Variants in RBMS1 observed in about 807,000 individuals in gnomAD.
RBMS1 encodes the protein RNA-binding motif, single-stranded-interacting protein 1.
RBMS1 carries 17 observed loss-of-function variants against 62.3 expected under a neutral mutation model. That is an observed-to-expected ratio of 0.27 (90% CI 0.19 to 0.41). The LOEUF (loss-of-function observed/expected upper bound fraction) is 0.41, where lower values mean the gene tolerates loss of function less well. RBMS1 is among the 10% of genes least tolerant of loss of function. The pLI, the probability that RBMS1 is intolerant of heterozygous loss-of-function variation, is 1.00. For missense variants in RBMS1, 334 were observed against 504.5 expected (o/e 0.66, Z 3.24); for synonymous variants, 172 against 170.0 (o/e 1.01, Z -0.09).
At chr2:160,278,004 T>G (rs2105928716) in intron 11 of RBMS1, 1 of 164,658 alleles carries the variant, frequency 6.1e-6, no homozygotes, top group African/African-American at 2.4e-5. Context: ...TTTAAGCCAC[T>G]ATAGAATAGA....
At chr2:160,449,406 GAA>G (rs1683860770) in intron 1 of RBMS1, among the ~76,000 whole-genome samples, 1 of 152,264 alleles carries the variant, frequency 6.6e-6, no homozygotes, top group Non-Finnish European at 1.5e-5. Context: ...GTGGGGAAAA[GAA>G]AGAGAGATCA....
intron 6 of RBMS1, among the ~76,000 whole-genome samples, chr2:160,290,992 A>G (rs559331947): frequency 1.3e-5 from 2 of 152,280 alleles, no homozygotes; most frequent in Admixed American, 1.3e-4. Flanking sequence ...TTAACTCTAC[A>G]GTGATTTGTG....
intron 1 of RBMS1, 55 bp downstream of exon 1, chr2:160,493,234 C>A: frequency 6.5e-6 from 10 of 1,545,388 alleles, no homozygotes; most frequent in Non-Finnish European, 8.9e-6. Flanking sequence ...CCTGACCCTG[C>A]GCGCGTCCCC....
At position 160,340,665 on chromosome 2, in the gene RBMS1, C is replaced by T. The variant is rs1230776151; in HGVS notation, c.252-22438G>A. Among the ~76,000 whole-genome samples the T allele has an allele frequency of 2.0e-5, 3 of 151,980 alleles. No homozygotes were observed. In the South Asian group the frequency reaches 6.2e-4, roughly 32 times the overall value. On this transcript the variant is annotated intron_variant, in intron 2 of 13. Transcript: ENST00000348849. ...ATAAAAGATGGGCAAACTGTTACCA[C>T]CATCCAGAAAAAAAAACCTAGCAAA...
chr2:160,340,427 G>T lies in RBMS1; in HGVS notation c.252-22200C>A, dbSNP rs541897658. ...AGGTAGAGGCCCAACACTAGCTTTCGGTTCTCCAAGGTGTAATCTAGTAAC... is the reference window on the plus strand; with the variant it reads ...AGGTAGAGGCCCAACACTAGCTTTCTGTTCTCCAAGGTGTAATCTAGTAAC... On this transcript the variant is annotated intron_variant, in intron 2 of 13. Coordinates refer to ENST00000348849, the MANE Select transcript of RBMS1 (RefSeq NM_016836.4). Among the ~76,000 whole-genome samples the T allele has an allele frequency of 7.2e-5, 11 of 152,120 alleles. No homozygotes were observed. In the East Asian group the frequency reaches 1.2e-3, roughly 16 times the overall value.
intron 1 of RBMS1, among the ~76,000 whole-genome samples, chr2:160,410,221 CAAAAAAAAAAA>C (rs575199475): frequency 5.9e-5 from 4 of 68,020 alleles, no homozygotes; most frequent in African/African-American, 1.8e-4. Context: ...GACCCCGTCT[CAAAAAAAAAAA>C]AAAAAAAAAA....
chr2:160,320,306 C>T (rs1273056515), intron 2 of RBMS1, among the ~76,000 whole-genome samples: 3 of 152,128 alleles, frequency 2.0e-5, no homozygotes, highest in South Asian at 4.2e-4. Flanking sequence ...CGTCTCTACC[C>T]TCCCAAAGCA....
intron 3 of RBMS1, among the ~76,000 whole-genome samples, chr2:160,317,455 T>C (rs998798463): frequency 1.3e-5 from 2 of 152,194 alleles, no homozygotes; most frequent in South Asian, 4.1e-4. Context: ...ATTGTTAAGA[T>C]GCTGGATCAT....
chr2:160,337,135 C>T (rs1048571619), intron 2 of RBMS1, among the ~76,000 whole-genome samples: 29 of 136,362 alleles, frequency 2.1e-4, no homozygotes, highest in Non-Finnish European at 2.7e-4. Context: ...TTTTTCTTTT[C>T]TTTTTTTTTT....
chr2:160,298,062 G>A (rs1232757708), intron 6 of RBMS1, among the ~76,000 whole-genome samples: 2 of 152,230 alleles, frequency 1.3e-5, no homozygotes, highest in Non-Finnish European at 1.5e-5. Flanking sequence ...ATGCAATGGT[G>A]CAGATGAGAG....
In RBMS1 at chr2:160,274,657, G is replaced by T. The variant is rs1225005369; in HGVS notation, c.*115C>A. 6.6e-6 allele frequency: 1 copy of T among 151,680 alleles called. No homozygotes were observed. The highest frequency in any genetic ancestry group is 2.4e-5 in the African/African-American group (1 of 41,118). The allele number at this position is 151,680 out of a possible 1,614,324, so 9.4% of individuals were successfully genotyped here. ...ATTTCATTATAAATAACGTTTTCAA[G>T]AACCTGTGCAAAACTGTCAATAATT... is the stretch of plus-strand genomic sequence containing the variant. On this transcript the variant is annotated 3_prime_UTR_variant, in exon 14 of 14. Coordinates refer to ENST00000348849, the MANE Select transcript of RBMS1 (RefSeq NM_016836.4).
chr2:160,354,767 A>G (rs944432453), intron 2 of RBMS1, among the ~76,000 whole-genome samples: 1 of 152,150 alleles, frequency 6.6e-6, no homozygotes, highest in African/African-American at 2.4e-5. Context: ...TGGCACAAAG[A>G]AAAAATGAGG....
In RBMS1 at chr2:160,367,216, G is replaced by A. The variant is rs751679060; in HGVS notation, c.251C>T (p.Pro84Leu). 3 of 1,612,258 alleles carry A rather than the reference G, an allele frequency of 1.9e-6. No individual in the cohort carries two copies. The highest frequency in any genetic ancestry group is 1.7e-5 in the Admixed American group (1 of 60,012). The change falls in exon 2 of 14, where the codon CCA (proline) becomes CTA (leucine). Residue 84 changes from proline (P) to leucine (L), a missense_variant and splice_region_variant. Coordinates refer to ENST00000348849, the MANE Select transcript of RBMS1 (RefSeq NM_016836.4). ...AATAATAGGAACAACTACTACTTAC[G>A]GTTGACAGAGCTTCACCAGGTCCTG... ...TDQDLVKLCQPYGKIVSTKAI... is the reference protein window; with the variant it reads ...TDQDLVKLCQLYGKIVSTKAI...
At chr2:160,404,635 C>T (rs1559510939) in intron 1 of RBMS1, among the ~76,000 whole-genome samples, 1 of 152,146 alleles carries the variant, frequency 6.6e-6, no homozygotes, top group Non-Finnish European at 1.5e-5. Flanking sequence ...ATCCTGGAAC[C>T]AATCTTCCTC....
At chr2:160,407,812 G>C in intron 1 of RBMS1, 1 of 981,290 alleles carries the variant, frequency 1.0e-6, no homozygotes, top group Non-Finnish European at 1.2e-6. Context: ...GGGAGTTCGC[G>C]CGCGGAGCTG....
At position 160,318,230 on chromosome 2, in the gene RBMS1, A is replaced by G. The variant is rs750476981; in HGVS notation, c.252-3T>C. Reference sequence around the variant, plus strand: ...TTGTGGAGACTATTTTCCCATATCTAAAAAAAAAAAAAAAAAAAAAAAGGA... The same window carrying G: ...TTGTGGAGACTATTTTCCCATATCTGAAAAAAAAAAAAAAAAAAAAAAGGA... On this transcript the variant is annotated splice_polypyrimidine_tract_variant and splice_region_variant and intron_variant, in intron 2 of 13. Transcript: ENST00000348849. 4.1e-5 allele frequency: 3 copies of G among 73,698 alleles called. No homozygotes were observed. Among genetic ancestry groups the G allele is most frequent in the Non-Finnish European group, 2.7e-5 (1 of 36,672 alleles). The allele number at this position is 73,698 out of a possible 1,614,324, so 4.6% of individuals were successfully genotyped here. A position where few individuals can be genotyped will look rare whatever the true frequency, so the allele number is the denominator to read the frequency against.
chr2:160,482,223 T>C (rs1685400017), intron 1 of RBMS1, among the ~76,000 whole-genome samples: 1 of 151,758 alleles, frequency 6.6e-6, no homozygotes, highest in Non-Finnish European at 1.5e-5. Context: ...ATACATACAA[T>C]ATGGTTTCAT....
chr2:160,442,246 T>C (rs902705963), intron 1 of RBMS1, among the ~76,000 whole-genome samples: 2 of 152,242 alleles, frequency 1.3e-5, no homozygotes, highest in Non-Finnish European at 2.9e-5. Context: ...CAATGACACT[T>C]CCATGTCTTC....
At chr2:160,464,656 G>A (rs1413046788) in intron 1 of RBMS1, among the ~76,000 whole-genome samples, 2 of 151,560 alleles carry the variant, frequency 1.3e-5, no homozygotes, top group Non-Finnish European at 3.0e-5. Flanking sequence ...TGAATATTAA[G>A]TTACTTTTTA....
Sources: allele counts gnomAD v4.1 joint callset (sites outside exome capture counted in the v4.1 genomes callset), GRCh38; gene constraint gnomAD v4.1.1; transcripts MANE v1.5; gene names NCBI Gene and HGNC (gene_info 2026-07-23, HGNC 2026-07-21).